ITGA9: variants seen among roughly 807,000 people sequenced by gnomAD.
The protein encoded by ITGA9 is integrin alpha-9.
ITGA9 carries 56 observed loss-of-function variants against 127.8 expected under a neutral mutation model. The observed-to-expected ratio is 0.44, with a 90% CI of 0.35 to 0.55. ITGA9 has a LOEUF of 0.55. Ranked by LOEUF, ITGA9 falls within the 20% of genes least tolerant of loss-of-function variation. The pLI is 0.00. For missense variants in ITGA9, 1,196 were observed against 1,347.1 expected, an observed-to-expected ratio of 0.89 and a Z score of 1.76; for synonymous variants, 508 against 514.5, an observed-to-expected ratio of 0.99 and a Z score of 0.17.
intron 22 of ITGA9, among the ~76,000 whole-genome samples, chr3:37,747,249 A>AT (rs1696512269): frequency 6.6e-6 from 1 of 151,952 alleles, no homozygotes; most frequent in Non-Finnish European, 1.5e-5. Context: ...ATATTTTTAA[A>AT]TTTTTTTCAT....
At chr3:37,458,487 C>A (rs1698283587) in intron 1 of ITGA9, among the ~76,000 whole-genome samples, 1 of 152,224 alleles carries the variant, frequency 6.6e-6, no homozygotes, top group Non-Finnish European at 1.5e-5. Flanking sequence ...TGTCCTCTGC[C>A]AGGGTCAGGT....
At chr3:37,634,502 C>T (rs977670818) in intron 16 of ITGA9, among the ~76,000 whole-genome samples, 11 of 151,846 alleles carry the variant, frequency 7.2e-5, no homozygotes, top group Non-Finnish European at 1.3e-4. Flanking sequence ...TAAAAACAGA[C>T]GAAGATCATT....
At chr3:37,585,705 T>G in intron 15 of ITGA9, 1 of 500,146 alleles carries the variant, frequency 2.0e-6, no homozygotes, top group African/African-American at 2.0e-5. Flanking sequence ...CAATAGTAAT[T>G]GCCTTACTTT....
chr3:37,481,390 T>C (rs1404056836), intron 3 of ITGA9, 94 bp from the exon 4 acceptor site: 50 of 1,530,450 alleles, frequency 3.3e-5, no homozygotes, highest in Non-Finnish European at 4.3e-5. Context: ...TCCTCTCTTC[T>C]CCCACAGAAA....
intron 23 of ITGA9, among the ~76,000 whole-genome samples, chr3:37,769,784 G>A (rs77188604): frequency 0.019 from 2,835 of 152,300 alleles, 83 homozygotes; most frequent in African/African-American, 0.064. Flanking sequence ...GATATGAGAG[G>A]GGCTGACTTC....
At chr3:37,527,829 G>A (rs371284005) in intron 13 of ITGA9, among the ~76,000 whole-genome samples, 36 of 150,746 alleles carry the variant, frequency 2.4e-4, no homozygotes, top group Non-Finnish European at 4.7e-4. Context: ...TCTGTCACCC[G>A]GGCTGGAGTG....
intron 4 of ITGA9, among the ~76,000 whole-genome samples, chr3:37,485,845 C>T (rs1174594746): frequency 6.6e-6 from 1 of 152,142 alleles, no homozygotes. Flanking sequence ...GACATAAACT[C>T]ATGGAGCATA....
intron 15 of ITGA9, among the ~76,000 whole-genome samples, chr3:37,556,339 C>G (rs1699430920): frequency 3.3e-5 from 5 of 152,176 alleles, no homozygotes; most frequent in Admixed American, 3.3e-4. Context: ...CTAACTGCCT[C>G]TGCATTTGGA....
At chr3:37,789,175 G>A (rs1228387523) in intron 26 of ITGA9, among the ~76,000 whole-genome samples, 2 of 152,152 alleles carry the variant, frequency 1.3e-5, no homozygotes, top group African/African-American at 2.4e-5. Flanking sequence ...TACGAGTCAG[G>A]AAAGCTTTTA....
intron 17 of ITGA9, among the ~76,000 whole-genome samples, chr3:37,669,339 G>C (rs58063032): frequency 1.3e-5 from 2 of 152,228 alleles, no homozygotes; most frequent in Non-Finnish European, 2.9e-5. Flanking sequence ...CCCTGGTGCA[G>C]TTTATGCTGC....
chr3:37,461,496 G>T (rs192510327), intron 1 of ITGA9, among the ~76,000 whole-genome samples: 1 of 152,168 alleles, frequency 6.6e-6, no homozygotes, highest in Non-Finnish European at 1.5e-5. Context: ...ATAGATGCTC[G>T]TAGTTATTTC....
At chr3:37,709,091 G>A (rs1701047810) in intron 18 of ITGA9, among the ~76,000 whole-genome samples, 1 of 152,026 alleles carries the variant, frequency 6.6e-6, no homozygotes, top group Non-Finnish European at 1.5e-5. Context: ...AGATGCCTAA[G>A]TTTTCTTATC....
chr3:37,616,925 C>A (rs1477656747), intron 15 of ITGA9, among the ~76,000 whole-genome samples: 8 of 152,170 alleles, frequency 5.3e-5, no homozygotes, highest in Non-Finnish European at 1.2e-4. Context: ...TCCAATTTGC[C>A]AGTCTGTCTT....
intron 18 of ITGA9, among the ~76,000 whole-genome samples, chr3:37,703,275 A>G (rs1180484121): frequency 6.6e-6 from 1 of 152,160 alleles, no homozygotes; most frequent in Non-Finnish European, 1.5e-5. Flanking sequence ...GTGCAATACA[A>G]CCTAATGTAA....
intron 5 of ITGA9, among the ~76,000 whole-genome samples, chr3:37,497,917 G>A (rs1698747787): frequency 1.3e-5 from 2 of 152,232 alleles, no homozygotes; most frequent in African/African-American, 4.8e-5. Flanking sequence ...CTGAAGGGAG[G>A]CCTGGTAGGA....
chr3:37,591,842 C>T (rs985976639), intron 15 of ITGA9, among the ~76,000 whole-genome samples: 5 of 152,236 alleles, frequency 3.3e-5, no homozygotes, highest in Non-Finnish European at 7.3e-5. Flanking sequence ...GCCTGAGCGC[C>T]TTGGGTTTCT....
chr3:37,556,702 G>C (rs1007409255), intron 15 of ITGA9, among the ~76,000 whole-genome samples: 1 of 152,236 alleles, frequency 6.6e-6, no homozygotes, highest in African/African-American at 2.4e-5. Context: ...CAAGGAGCTC[G>C]AAGACATAGA....
At chr3:37,625,748 C>T (rs537739519) in intron 15 of ITGA9, among the ~76,000 whole-genome samples, 2 of 152,192 alleles carry the variant, frequency 1.3e-5, no homozygotes, top group African/African-American at 2.4e-5. Context: ...AAAAGGAAAC[C>T]GCTAAATTGT....
chr3:37,492,216 G>A (rs1698680610), intron 4 of ITGA9, among the ~76,000 whole-genome samples: 1 of 152,148 alleles, frequency 6.6e-6, no homozygotes, highest in Admixed American at 6.5e-5. Flanking sequence ...CCAGTCAGGG[G>A]CCCCCATTGT....
Sources: gnomAD v4.1 joint callset for allele counts (sites outside exome capture counted in the v4.1 genomes callset) on GRCh38, gnomAD v4.1.1 for gene constraint, MANE v1.5 for transcripts, NCBI Gene and HGNC (gene_info 2026-07-23, HGNC 2026-07-21) for gene names.